Variants in SDK1 observed in about 807,000 individuals in gnomAD.
SDK1 encodes protein sidekick-1.
SDK1 carries 157 observed loss-of-function variants against 245.5 expected under a neutral mutation model. The ratio of observed to expected loss-of-function variants is 0.64; its 90% CI spans 0.56 to 0.73. The LOEUF (loss-of-function observed/expected upper bound fraction) is 0.73. Among genes scored for constraint, SDK1 ranks in the 30% least tolerant of loss-of-function variants. SDK1 has a pLI of 0.00. For synonymous variants in SDK1, 1,647 were observed against 1,278.5 expected, an observed-to-expected ratio of 1.29 and a Z score of -6.15; for missense variants, 3,583 against 3,002.3, an observed-to-expected ratio of 1.19 and a Z score of -4.52.
intron 1 of SDK1, among the ~76,000 whole-genome samples, chr7:3,525,351 A>G (rs187587457): frequency 6.6e-6 from 1 of 152,172 alleles, no homozygotes; most frequent in Non-Finnish European, 1.5e-5. Context: ...CAGATGGGGT[A>G]GTTTTCTCAC....
intron 5 of SDK1, among the ~76,000 whole-genome samples, chr7:3,858,167 G>C (rs1780592219): frequency 6.6e-6 from 1 of 152,150 alleles, no homozygotes; most frequent in Non-Finnish European, 1.5e-5. Context: ...GTACATATGA[G>C]AATGGCTACA....
At chr7:3,332,028 T>C (rs1453249344) in intron 1 of SDK1, among the ~76,000 whole-genome samples, 1 of 152,200 alleles carries the variant, frequency 6.6e-6, no homozygotes, top group African/African-American at 2.4e-5. Context: ...CGACCAGTAT[T>C]AAGCCTCTTT....
intron 9 of SDK1, among the ~76,000 whole-genome samples, chr7:3,965,217 G>A (rs1409044177): frequency 1.3e-5 from 2 of 152,194 alleles, no homozygotes; most frequent in East Asian, 3.9e-4. Flanking sequence ...GCTGAATTTG[G>A]CCCCCAGGTT....
intron 4 of SDK1, among the ~76,000 whole-genome samples, chr7:3,755,360 G>A (rs542315350): frequency 6.6e-6 from 1 of 152,286 alleles, no homozygotes; most frequent in African/African-American, 2.4e-5. Flanking sequence ...TGACTGCAGA[G>A]GTTGTGTTTT....
intron 1 of SDK1, among the ~76,000 whole-genome samples, chr7:3,382,661 T>C (rs1162444935): frequency 6.6e-6 from 1 of 152,214 alleles, no homozygotes; most frequent in Non-Finnish European, 1.5e-5. Flanking sequence ...TAAATGAGTA[T>C]GTTTGATTAG....
intron 4 of SDK1, among the ~76,000 whole-genome samples, chr7:3,675,932 T>C (rs1162406713): frequency 6.6e-6 from 1 of 152,248 alleles, no homozygotes; most frequent in Non-Finnish European, 1.5e-5. Flanking sequence ...TTATATGTTC[T>C]GAATATTAGA....
intron 5 of SDK1, among the ~76,000 whole-genome samples, chr7:3,892,954 C>T (rs1016537412): frequency 1.3e-5 from 2 of 152,150 alleles, no homozygotes; most frequent in African/African-American, 2.4e-5. Context: ...CTTCACATGG[C>T]AGGGAACAGG....
At chr7:4,160,317 A>C (rs1781034494) in intron 31 of SDK1, among the ~76,000 whole-genome samples, 1 of 152,200 alleles carries the variant, frequency 6.6e-6, no homozygotes, top group Admixed American at 6.5e-5. Flanking sequence ...ATTGTGTGAA[A>C]GCAAAGTGCA....
intron 1 of SDK1, among the ~76,000 whole-genome samples, chr7:3,567,500 C>T (rs1258777423): frequency 2.0e-5 from 3 of 152,174 alleles, no homozygotes; most frequent in East Asian, 1.9e-4. Context: ...GTCAAAAATT[C>T]TTGTCCTGGT....
At chr7:3,776,503 A>G (rs1780567693) in intron 4 of SDK1, among the ~76,000 whole-genome samples, 1 of 152,198 alleles carries the variant, frequency 6.6e-6, no homozygotes, top group Admixed American at 6.5e-5. Context: ...ATTGTTGTGT[A>G]ACATTTTCTG....
intron 1 of SDK1, among the ~76,000 whole-genome samples, chr7:3,578,186 C>T (rs531750260): frequency 5.3e-5 from 8 of 151,912 alleles, no homozygotes; most frequent in South Asian, 2.1e-4. Flanking sequence ...GTTGGGCCGC[C>T]GGGGGTGACA....
intron 33 of SDK1, among the ~76,000 whole-genome samples, chr7:4,174,686 G>T (rs1426369000): frequency 6.6e-6 from 1 of 152,166 alleles, no homozygotes; most frequent in Non-Finnish European, 1.5e-5. Context: ...CAGGGGGCCA[G>T]TAGGAACCTG....
At chr7:3,910,966 C>G (rs1779142234) in intron 5 of SDK1, among the ~76,000 whole-genome samples, 2 of 152,172 alleles carry the variant, frequency 1.3e-5, no homozygotes, top group Non-Finnish European at 2.9e-5. Context: ...GCGTGCTGCT[C>G]TGTCTCCCGC....
chr7:3,423,459 A>G (rs777254574), intron 1 of SDK1, among the ~76,000 whole-genome samples: 7 of 152,146 alleles, frequency 4.6e-5, no homozygotes, highest in Non-Finnish European at 7.4e-5. Flanking sequence ...GCAGATTTCT[A>G]TGCTTTTATA....
At chr7:3,659,392 C>G (rs1323702464) in intron 4 of SDK1, among the ~76,000 whole-genome samples, 1 of 152,304 alleles carries the variant, frequency 6.6e-6, no homozygotes, top group East Asian at 1.9e-4. Flanking sequence ...AAAGAAAACC[C>G]TGTCCACAGA....
intron 1 of SDK1, among the ~76,000 whole-genome samples, chr7:3,518,502 G>T (rs1782822740): frequency 6.6e-6 from 1 of 150,428 alleles, no homozygotes; most frequent in Non-Finnish European, 1.5e-5. Context: ...AAAAAAGAAA[G>T]ATTAAAAAAT....
At chr7:3,723,145 G>A (rs1778872338) in intron 4 of SDK1, among the ~76,000 whole-genome samples, 1 of 152,174 alleles carries the variant, frequency 6.6e-6, no homozygotes, top group African/African-American at 2.4e-5. Flanking sequence ...TCTCAAGTGT[G>A]TTCTAAAATA....
In SDK1 at chr7:3,461,538, C is replaced by A. The variant is rs547357635; in HGVS notation, c.299-157542C>A. Among the ~76,000 whole-genome samples, 3 of 152,216 alleles carry A rather than the reference C, an allele frequency of 2.0e-5. No individual in the cohort carries two copies. The East Asian group carries it at 5.8e-4, about 29-fold the overall frequency. ...CAGAGCAACAGTTGCTGTGGAGTGG[C>A]GTGAGGGCCGAATTCAAGTATAAAA... On this transcript the variant is annotated intron_variant, in intron 1 of 44. Transcript: ENST00000404826.
chr7:3,672,592 T>C (rs902469237), intron 4 of SDK1, among the ~76,000 whole-genome samples: 1 of 141,188 alleles, frequency 7.1e-6, no homozygotes. Flanking sequence ...AATATATATA[T>C]ATAATATATA....
Sources: allele counts gnomAD v4.1 joint callset (sites outside exome capture counted in the v4.1 genomes callset), GRCh38; gene constraint gnomAD v4.1.1; transcripts MANE v1.5; gene names NCBI Gene and HGNC (gene_info 2026-07-23, HGNC 2026-07-21).